The following MYO1B variants were observed in gnomAD, a reference collection of about 807,000 sequenced individuals.
MYO1B encodes the protein unconventional myosin-Ib.
Under a neutral mutation model 159.7 loss-of-function variants are expected in MYO1B, and 72 were observed. That is an observed-to-expected ratio of 0.45 (90% CI 0.37 to 0.55). The LOEUF (loss-of-function observed/expected upper bound fraction) is 0.55, where lower values mean the gene tolerates loss of function less well. Ranked by LOEUF, MYO1B falls within the 20% of genes least tolerant of loss-of-function variation. MYO1B has a pLI of 0.00. For synonymous variants in MYO1B, 468 were observed against 473.8 expected, an observed-to-expected ratio of 0.99 and a Z score of 0.16; for missense variants, 1,062 against 1,364.8, an observed-to-expected ratio of 0.78 and a Z score of 3.50.
chr2:191,322,264 A>G (rs971543641), intron 3 of MYO1B, among the ~76,000 whole-genome samples: 2 of 152,136 alleles, frequency 1.3e-5, no homozygotes, highest in Non-Finnish European at 2.9e-5. Flanking sequence ...ACTAAATTCC[A>G]AAGAGCGGCT....
intron 30 of MYO1B, chr2:191,416,454 A>C: frequency 3.6e-6 from 2 of 553,520 alleles, no homozygotes; most frequent in Non-Finnish European, 6.4e-6. Flanking sequence ...GTATGTACAA[A>C]TAAAATGATG....
chr2:191,299,874 G>A (rs756922687), intron 3 of MYO1B, among the ~76,000 whole-genome samples: 22 of 152,208 alleles, frequency 1.4e-4, no homozygotes, highest in Non-Finnish European at 2.2e-4. Flanking sequence ...GATCTAATAC[G>A]TATAAGGTGC....
chr2:191,409,423 C>T (rs1416349667), intron 26 of MYO1B, among the ~76,000 whole-genome samples: 4 of 152,198 alleles, frequency 2.6e-5, no homozygotes, highest in Admixed American at 2.6e-4. Context: ...GCTGCATTTT[C>T]TTTCCATTCC....
intron 27 of MYO1B, among the ~76,000 whole-genome samples, chr2:191,411,711 G>A (rs1280830931): frequency 1.3e-5 from 2 of 152,112 alleles, no homozygotes; most frequent in East Asian, 3.9e-4. Flanking sequence ...TGTACAGCAC[G>A]TTCAGTTCCT....
chr2:191,399,547 C>T (rs942156164), intron 21 of MYO1B, among the ~76,000 whole-genome samples: 7 of 152,276 alleles, frequency 4.6e-5, no homozygotes, highest in Admixed American at 1.3e-4. Flanking sequence ...TCTAGGTCAA[C>T]GATACTTCAG....
chr2:191,290,870 G>A (rs1356567889), intron 2 of MYO1B, among the ~76,000 whole-genome samples: 1 of 152,136 alleles, frequency 6.6e-6, no homozygotes, highest in Non-Finnish European at 1.5e-5. Flanking sequence ...TAAAGGGGAA[G>A]GTGAAATAGA....
chr2:191,302,798 A>C (rs1406519649), intron 3 of MYO1B, among the ~76,000 whole-genome samples: 1 of 152,230 alleles, frequency 6.6e-6, no homozygotes, highest in Non-Finnish European at 1.5e-5. Flanking sequence ...TAAAACTTAG[A>C]CAAGTGGCTT....
chr2:191,286,854 AC>A (rs1688403578), intron 2 of MYO1B, among the ~76,000 whole-genome samples: 1 of 152,006 alleles, frequency 6.6e-6, no homozygotes, highest in Admixed American at 6.5e-5. Context: ...GATGGCTTGA[AC>A]CTGGGATCGG....
intron 2 of MYO1B, among the ~76,000 whole-genome samples, chr2:191,291,165 T>A (rs1688664395): frequency 1.3e-5 from 2 of 152,210 alleles, no homozygotes; most frequent in Non-Finnish European, 2.9e-5. Flanking sequence ...TTCTGAACAG[T>A]GGTCTGGGGA....
chr2:191,414,348 CATTTTTATGAA>C (rs1298711446), intron 28 of MYO1B, among the ~76,000 whole-genome samples, 158 bp from the exon 29 acceptor site: 1 of 152,184 alleles, frequency 6.6e-6, no homozygotes, highest in Non-Finnish European at 1.5e-5. Flanking sequence ...TGTTCTCTGA[CATTTTTATGAA>C]ATAAAACATA....
chr2:191,278,262 T>C (rs1349486359), intron 2 of MYO1B, among the ~76,000 whole-genome samples: 2 of 152,198 alleles, frequency 1.3e-5, no homozygotes, highest in Non-Finnish European at 2.9e-5. Flanking sequence ...TCTAACTGTG[T>C]CCTCACATGG....
rs1452212264 is a variant in MYO1B at position 191,320,279 on chromosome 2, T to C, written c.252-9656T>C. Among the ~76,000 whole-genome samples the C allele has an allele frequency of 1.3e-5, 2 of 152,232 alleles. 1 individual carries two copies. Among genetic ancestry groups the C allele is most frequent in the Middle Eastern group, 6.8e-3 (2 of 294 alleles). ...GCTCCTGAGGGTAGGGACAGTATCC[T>C]TTGTATGCCTCTGCCTGACACTCTC... is the stretch of plus-strand genomic sequence containing the variant. On this transcript the variant is annotated intron_variant, in intron 3 of 30. Transcript: ENST00000392318.
chr2:191,378,704 T>C (rs1694862668), intron 13 of MYO1B, among the ~76,000 whole-genome samples: 1 of 152,000 alleles, frequency 6.6e-6, no homozygotes, highest in Admixed American at 6.6e-5. Context: ...AAAATAGTGG[T>C]AAAGCGTTGG....
chr2:191,314,124 CTT>C (rs1164911955), intron 3 of MYO1B, among the ~76,000 whole-genome samples: 8 of 152,266 alleles, frequency 5.3e-5, no homozygotes, highest in Non-Finnish European at 1.0e-4. Flanking sequence ...TGAAAGACCT[CTT>C]AACATATTTT....
intron 21 of MYO1B, among the ~76,000 whole-genome samples, chr2:191,399,236 G>A (rs935623627): frequency 3.3e-5 from 5 of 152,076 alleles, no homozygotes; most frequent in South Asian, 2.1e-4. Flanking sequence ...GCTTTGGCTC[G>A]GCATCAGAGG....
Position 191,402,731 on chromosome 2 carries a change from C to G in MYO1B, c.2556+13C>G, listed in dbSNP as rs1272393777. 1 of 1,603,852 alleles carries G rather than the reference C, an allele frequency of 6.2e-7. No individual in the cohort carries two copies. Among genetic ancestry groups the G allele is most frequent in the Non-Finnish European group, 8.5e-7 (1 of 1,174,770 alleles). On this transcript the variant is annotated intron_variant, in intron 24 of 30. Coordinates refer to ENST00000392318, the MANE Select transcript of MYO1B (RefSeq NM_001130158.3). Reference sequence around the variant, plus strand: ...GCTTGGACTGAAGGTACTTCCTCAACCACTTGTTTCTGTCCAGGGTGAACT... The same window carrying G: ...GCTTGGACTGAAGGTACTTCCTCAAGCACTTGTTTCTGTCCAGGGTGAACT...
chr2:191,398,883 T>C lies in MYO1B; in HGVS notation c.2296-1499T>C, dbSNP rs1304264086. Among the ~76,000 whole-genome samples, 11 of 152,296 alleles carry C rather than the reference T, an allele frequency of 7.2e-5. No individual in the cohort carries two copies. The East Asian group carries it at 1.7e-3, about 24-fold the overall frequency. On this transcript the variant is annotated intron_variant, in intron 21 of 30. Coordinates refer to ENST00000392318, the MANE Select transcript of MYO1B (RefSeq NM_001130158.3). ...CGGGGTGGCGGCCGGGCAGAGGCTGTAATCTCGGCTCTTTGGGAGGCCAAG... is the reference window on the plus strand; with the variant it reads ...CGGGGTGGCGGCCGGGCAGAGGCTGCAATCTCGGCTCTTTGGGAGGCCAAG...
chr2:191,421,080 T>G (rs1697906095), intron 30 of MYO1B, among the ~76,000 whole-genome samples: 1 of 151,522 alleles, frequency 6.6e-6, no homozygotes, highest in South Asian at 2.1e-4. Context: ...CTTTTTTTTT[T>G]TTTTTTTGAG....
intron 1 of MYO1B, among the ~76,000 whole-genome samples, chr2:191,257,734 A>G: frequency 6.6e-6 from 1 of 152,250 alleles, no homozygotes; most frequent in East Asian, 1.9e-4. Context: ...GTTACCTGCT[A>G]TCAGCTGAAG....
Sources: allele counts gnomAD v4.1 joint callset (sites outside exome capture counted in the v4.1 genomes callset), GRCh38; gene constraint gnomAD v4.1.1; transcripts MANE v1.5; gene names NCBI Gene and HGNC (gene_info 2026-07-23, HGNC 2026-07-21).